OCA2: variants seen among roughly 807,000 people sequenced by gnomAD.
OCA2 encodes OCA2 melanosomal transmembrane protein.
Under a neutral mutation model 100.2 loss-of-function variants are expected in OCA2, and 77 were observed. The observed-to-expected ratio is 0.77, with a 90% CI of 0.64 to 0.93. The LOEUF is 0.93. Ranked by LOEUF, OCA2 falls within the 40% of genes least tolerant of loss-of-function variation. The pLI is 0.00. For synonymous variants in OCA2, 432 were observed against 439.2 expected (o/e 0.98, Z 0.21); for missense variants, 1,062 against 1,089.1 (o/e 0.98, Z 0.35).
chr15:27,831,080 G>A (rs1331814393), intron 23 of OCA2, among the ~76,000 whole-genome samples: 1 of 152,078 alleles, frequency 6.6e-6, no homozygotes, highest in Non-Finnish European at 1.5e-5. Context: ...GAGGTCAGGA[G>A]ATGGAGACCA....
At chr15:27,744,122 C>T in the OCA2 span, among the ~76,000 whole-genome samples, 1 of 152,156 alleles carries the variant, frequency 6.6e-6, no homozygotes, top group African/African-American at 2.4e-5. Flanking sequence ...GCATCCTTAG[C>T]CCCAAAGACA....
chr15:27,850,032 TCA>T (rs1567021593), intron 22 of OCA2, among the ~76,000 whole-genome samples: 2 of 152,122 alleles, frequency 1.3e-5, no homozygotes, highest in Admixed American at 6.5e-5. Context: ...CAAAGTGTGC[TCA>T]GTTAATAAGT....
intron 17 of OCA2, among the ~76,000 whole-genome samples, chr15:27,954,929 G>A (rs964112806): frequency 1.3e-5 from 2 of 152,214 alleles, no homozygotes; most frequent in Non-Finnish European, 2.9e-5. Context: ...CAGGGACAGG[G>A]AAAGGCTCTA....
chr15:28,060,694 CAGTG>C (rs1189340022), intron 2 of OCA2, among the ~76,000 whole-genome samples: 5 of 152,184 alleles, frequency 3.3e-5, no homozygotes, highest in African/African-American at 1.2e-4. Context: ...GGCCAAGTCT[CAGTG>C]AGAAAATTTT....
chr15:27,775,437 G>A (rs2032153228), intron 23 of OCA2, among the ~76,000 whole-genome samples: 1 of 152,164 alleles, frequency 6.6e-6, no homozygotes, highest in Non-Finnish European at 1.5e-5. Context: ...TATGAAAGCA[G>A]ATTCTCTCCA....
chr15:27,986,351 G>A (rs1046420303), intron 12 of OCA2, among the ~76,000 whole-genome samples: 3 of 152,162 alleles, frequency 2.0e-5, no homozygotes, highest in African/African-American at 7.2e-5. Context: ...GATTCAACCT[G>A]AGTACCCTTT....
intron 1 of OCA2, among the ~76,000 whole-genome samples, chr15:28,082,475 C>T (rs962527545): frequency 2.0e-5 from 3 of 152,202 alleles, no homozygotes; most frequent in Non-Finnish European, 2.9e-5. Context: ...AAGGAACCAA[C>T]TCCGGACACC....
chr15:27,931,317 CTATT>C (rs758201489), intron 18 of OCA2, among the ~76,000 whole-genome samples: 83 of 151,976 alleles, frequency 5.5e-4, no homozygotes, highest in South Asian at 1.2e-3. Context: ...TTTATTTTAT[CTATT>C]TATTTATTTA....
intron 23 of OCA2, among the ~76,000 whole-genome samples, chr15:27,812,868 C>T (rs1022598068): frequency 1.3e-4 from 20 of 152,248 alleles, no homozygotes; most frequent in African/African-American, 4.8e-4. Flanking sequence ...GCCCTCACCC[C>T]AGCCAGCCCA....
At chr15:27,791,456 T>A (rs183868880) in intron 23 of OCA2, among the ~76,000 whole-genome samples, 14 of 152,258 alleles carry the variant, frequency 9.2e-5, no homozygotes, top group Middle Eastern at 3.4e-3. Context: ...AAGGCAAAGC[T>A]GTAGTGGGAG....
At chr15:27,911,686 C>T (rs1458697272) in intron 19 of OCA2, among the ~76,000 whole-genome samples, 2 of 152,098 alleles carry the variant, frequency 1.3e-5, no homozygotes, top group African/African-American at 4.8e-5. Flanking sequence ...GAGGATGGCA[C>T]CAAGCCATTC....
At chr15:27,874,631 T>A (rs1173655325) in intron 19 of OCA2, among the ~76,000 whole-genome samples, 8 of 152,186 alleles carry the variant, frequency 5.3e-5, no homozygotes, top group Admixed American at 5.2e-4. Context: ...ATACTGAATG[T>A]AAAAGAGGAA....
At chr15:27,728,202 G>A in the OCA2 span, among the ~76,000 whole-genome samples, 2 of 152,154 alleles carry the variant, frequency 1.3e-5, no homozygotes, top group Non-Finnish European at 2.9e-5. Context: ...GTGAAGCTGT[G>A]AATCCAAAGA....
At chr15:27,939,881 T>C (rs1595685748) in intron 18 of OCA2, among the ~76,000 whole-genome samples, 1 of 152,218 alleles carries the variant, frequency 6.6e-6, no homozygotes. Context: ...GATCTTCTTG[T>C]AGCAAGTAAC....
intron 15 of OCA2, among the ~76,000 whole-genome samples, chr15:27,964,235 C>T (rs1372889360): frequency 5.3e-5 from 8 of 152,124 alleles, no homozygotes; most frequent in Admixed American, 5.2e-4. Context: ...TTCCATATTC[C>T]TCCTATGAGG....
At chr15:27,749,928 T>C (rs1246860035), downstream of OCA2, among the ~76,000 whole-genome samples, 1 of 152,256 alleles carries the variant, frequency 6.6e-6, no homozygotes, top group Admixed American at 6.5e-5. Flanking sequence ...CTTATAAGTT[T>C]AGTGTGATTT....
chr15:27,847,920 G>A (rs531221014), intron 22 of OCA2, among the ~76,000 whole-genome samples: 6 of 152,316 alleles, frequency 3.9e-5, no homozygotes, highest in Middle Eastern at 3.4e-3. Context: ...CTGTGGCGCC[G>A]TCAGGACCTG....
Position 28,028,066 on chromosome 15 carries a change from A to G in OCA2, c.327-7T>C, listed in dbSNP as rs756991152. ...AACAGGTATGCACCGTGACCTGGAA[A>G]GCAAGAGAGGTGTGGTTATCTCTCC... On this transcript the variant is annotated splice_polypyrimidine_tract_variant and splice_region_variant and intron_variant, in intron 3 of 23. Coordinates refer to ENST00000354638, the MANE Select transcript of OCA2 (RefSeq NM_000275.3). The G allele has an allele frequency of 3.1e-6, 5 of 1,614,206 alleles. No individual in the cohort carries two copies. In the South Asian group the frequency reaches 3.3e-5, roughly 11 times the overall value.
chr15:28,022,557 T>A lies in OCA2; in HGVS notation c.590A>T (p.Tyr197Phe), dbSNP rs1377454425. The A allele has an allele frequency of 1.2e-6, 2 of 1,613,656 alleles. No individual in the cohort carries two copies. Among genetic ancestry groups the A allele is most frequent in the Non-Finnish European group, 8.5e-7 (1 of 1,179,676 alleles). ...VVLCSILFSL[Y>F]PDQGKLWQLL... ...CTGCCAGAGCTTTCCTTGATCCGGATATAGGCTGAACAAAATCTGTAACAA... is the reference window on the plus strand; with the variant it reads ...CTGCCAGAGCTTTCCTTGATCCGGAAATAGGCTGAACAAAATCTGTAACAA... The change falls in exon 6 of 24, where the codon TAT (tyrosine) becomes TTT (phenylalanine). Residue 197 changes from tyrosine to phenylalanine, a missense_variant. By Grantham distance (22) the Tyr-to-Phe change is conservative (BLOSUM62 3). Coordinates refer to ENST00000354638, the MANE Select transcript of OCA2 (RefSeq NM_000275.3).
Sources: allele counts gnomAD v4.1 joint callset (sites outside exome capture counted in the v4.1 genomes callset), GRCh38; gene constraint gnomAD v4.1.1; transcripts MANE v1.5; gene names NCBI Gene and HGNC (gene_info 2026-07-23, HGNC 2026-07-21).